The following UCMA variants were observed in gnomAD, a reference collection of about 807,000 sequenced individuals.
UCMA encodes upper zone of growth plate and cartilage matrix associated.
Under a neutral mutation model 21.8 loss-of-function variants are expected in UCMA, and 21 were observed. The ratio of observed to expected loss-of-function variants is 0.97; its 90% CI spans 0.68 to 1.39. UCMA has a LOEUF of 1.39. UCMA is among the 40% of genes most tolerant of loss of function. The pLI is 0.00. For synonymous variants in UCMA, 76 were observed against 67.9 expected, an observed-to-expected ratio of 1.12 and a Z score of -0.58; for missense variants, 193 against 178.9, an observed-to-expected ratio of 1.08 and a Z score of -0.45.
intron 3 of UCMA, among the ~76,000 whole-genome samples, chr10:13,233,318 G>A (rs780006600): frequency 2.0e-5 from 3 of 152,220 alleles, no homozygotes; most frequent in Non-Finnish European, 4.4e-5. Context: ...CAGAGGTGGG[G>A]CCTCCTAACC....
chr10:13,234,084 A>T (rs1437428023), intron 1 of UCMA, 117 bp downstream of exon 1: 15 of 889,712 alleles, frequency 1.7e-5, no homozygotes, highest in African/African-American at 3.4e-5. Flanking sequence ...ACATACACAC[A>T]TGTTAACAAT....
At chr10:13,230,632 T>C (rs76795387) in intron 3 of UCMA, among the ~76,000 whole-genome samples, 6,123 of 152,238 alleles carry the variant, frequency 0.04, 416 homozygotes, top group African/African-American at 0.14. Flanking sequence ...TCAACTCTGA[T>C]GTGCAAGAGG....
At position 13,234,356 on chromosome 10, in the gene UCMA, AGGAAGGAAGGCGGG is replaced by A; in HGVS notation, c.-112_-99del. ...TTCTGAGGCAGGCAGCCCAGGCGAG[AGGAAGGAAGGCGGG>A]GGAGGGAAGAGAGAGGCAGGAGGCT... On this transcript the variant is annotated 5_prime_UTR_variant, in exon 1 of 5. Coordinates refer to ENST00000378681, the MANE Select transcript of UCMA (RefSeq NM_145314.3). 7.9e-7 allele frequency: 1 copy of A among 1,266,466 alleles called. No homozygotes were observed. The highest frequency in any genetic ancestry group is 1.1e-6 in the Non-Finnish European group (1 of 913,314). 78.5% of individuals were successfully genotyped at this position (1,266,466 alleles called of 1,614,324 possible). A position where few individuals can be genotyped will look rare whatever the true frequency, so the allele number is the denominator to read the frequency against.
chr10:13,233,092 T>C (rs1232879666), intron 3 of UCMA, among the ~76,000 whole-genome samples: 1 of 152,168 alleles, frequency 6.6e-6, no homozygotes, highest in Non-Finnish European at 1.5e-5. Context: ...GTCCTGTGCC[T>C]TCCCCATGTG....
chr10:13,233,768 T>C lies in UCMA; in HGVS notation c.91A>G (p.Thr31Ala). Residue 31 changes from threonine (T) to alanine (A), a missense_variant, in exon 2 of 5, where the codon ACC becomes GCC. Transcript: ENST00000378681. ...GCCTCTTCTCCCGCCATCTGCATGGTGCCCACAGATACACTGGTTCCCTCT... is the reference window on the plus strand; with the variant it reads ...GCCTCTTCTCCCGCCATCTGCATGGCGCCCACAGATACACTGGTTCCCTCT... Reference protein sequence around the residue: ...LREGTSVSVGTMQMAGEEASE... With the variant: ...LREGTSVSVGAMQMAGEEASE... The C allele has an allele frequency of 6.2e-7, 1 of 1,613,954 alleles. No homozygotes were observed. The highest frequency in any genetic ancestry group is 8.5e-7 in the Non-Finnish European group (1 of 1,180,010).
chr10:13,222,960 C>T (rs1283973695), intron 4 of UCMA, among the ~76,000 whole-genome samples: 3 of 151,902 alleles, frequency 2.0e-5, no homozygotes, highest in African/African-American at 7.2e-5. Context: ...CGGGATGGCT[C>T]ATGCCTATAA....
At chr10:13,225,080 G>C (rs946656990) in intron 4 of UCMA, among the ~76,000 whole-genome samples, 1 of 151,928 alleles carries the variant, frequency 6.6e-6, no homozygotes, top group Non-Finnish European at 1.5e-5. Context: ...TTGTTTTTGA[G>C]ACAAGTTCTC....
chr10:13,232,493 C>G (rs1255680720), intron 3 of UCMA, among the ~76,000 whole-genome samples: 1 of 151,988 alleles, frequency 6.6e-6, no homozygotes, highest in Non-Finnish European at 1.5e-5. Flanking sequence ...AACAGTCCAG[C>G]CCCCCTCCCA....
chr10:13,234,154 C>A, intron 1 of UCMA, 47 bp downstream of exon 1: 1 of 1,550,078 alleles, frequency 6.5e-7, no homozygotes. Context: ...GGTAAGTCTC[C>A]CTTACCATGT....
At chr10:13,224,545 C>T (rs924890017) in intron 4 of UCMA, among the ~76,000 whole-genome samples, 1 of 152,164 alleles carries the variant, frequency 6.6e-6, no homozygotes, top group Non-Finnish European at 1.5e-5. Context: ...AAGATGATGT[C>T]AAGAATTAAA....
chr10:13,233,643 G>A lies in UCMA; in HGVS notation c.125-10C>T, dbSNP rs4750328. 306,559 of 1,613,874 alleles carry A rather than the reference G, an allele frequency of 0.19. 30,465 individuals carry two copies. The highest frequency in any genetic ancestry group is 0.3 in the Admixed American group (17,780 of 59,980). On this transcript the variant is annotated splice_polypyrimidine_tract_variant and intron_variant, in intron 2 of 4. Coordinates refer to ENST00000378681, the MANE Select transcript of UCMA (RefSeq NM_145314.3). ...ATCTTCTGTTTTGCATCTGAAACCCGGGAGAGGCCTGTCACCAGCAGTGTG... is the reference window on the plus strand; with the variant it reads ...ATCTTCTGTTTTGCATCTGAAACCCAGGAGAGGCCTGTCACCAGCAGTGTG...
At chr10:13,227,941 C>A (rs1643653838) in intron 4 of UCMA, among the ~76,000 whole-genome samples, 1 of 152,054 alleles carries the variant, frequency 6.6e-6, no homozygotes, top group Admixed American at 6.6e-5. Flanking sequence ...ACACCATCCT[C>A]CACTGAGCCC....
At chr10:13,227,137 C>T (rs1465814684) in intron 4 of UCMA, among the ~76,000 whole-genome samples, 1 of 152,120 alleles carries the variant, frequency 6.6e-6, no homozygotes, top group Non-Finnish European at 1.5e-5. Flanking sequence ...TGCCAGGATC[C>T]AAGCCCAGCA....
In UCMA at chr10:13,234,213, C is replaced by T; in HGVS notation, c.46G>A (p.Val16Met). ...AVLLSCFSAV[V>M]LLSMLREGTS... ...CTCCTGTACTCACTAGACAGGAGCA[C>T]CACGGCGGAGAAGCAAGACAGCAGG... The change falls in exon 1 of 5, where the codon GTG becomes ATG. Residue 16 changes from valine to methionine, a missense_variant. Val to Met is a conservative substitution (Grantham distance 21). Coordinates refer to ENST00000378681, the MANE Select transcript of UCMA (RefSeq NM_145314.3). The T allele has an allele frequency of 6.2e-7, 1 of 1,613,312 alleles. No homozygotes were observed. The highest frequency in any genetic ancestry group is 8.5e-7 in the Non-Finnish European group (1 of 1,179,850).
At position 13,222,933 on chromosome 10, in the gene UCMA, T is replaced by G. The variant is rs189096404; in HGVS notation, c.320-733A>C. Among the ~76,000 whole-genome samples the G allele has an allele frequency of 2.0e-3, 308 of 151,906 alleles. 1 individual carries two copies. Among genetic ancestry groups the G allele is most frequent in the Non-Finnish European group, 2.6e-3 (177 of 67,936 alleles). ...ATCCTCCTGTCTCAGCCTCCCAAAG[T>G]GCTGTGATTGGCCAGGCGGGATGGC... On this transcript the variant is annotated intron_variant, in intron 4 of 4. Transcript: ENST00000378681.
chr10:13,229,825 T>C lies in UCMA; in HGVS notation c.221-116A>G, dbSNP rs1409656773. On this transcript the variant is annotated intron_variant, in intron 3 of 4. Transcript: ENST00000378681. ...ACCTGGTTGGGGGATGAGTGGTTTG[T>C]GGGGGATTGTGATTGGAGACTTCCC... 7.7e-6 allele frequency: 6 copies of C among 777,792 alleles called. No individual in the cohort carries two copies. In the East Asian group the frequency reaches 1.5e-4, roughly 20 times the overall value. 48.2% of individuals were successfully genotyped at this position (777,792 alleles called of 1,614,324 possible). A position where few individuals can be genotyped will look rare whatever the true frequency, so the allele number is the denominator to read the frequency against.
Position 13,226,603 on chromosome 10 carries a change from G to A in UCMA, c.319+3008C>T, listed in dbSNP as rs566921963. Among the ~76,000 whole-genome samples the A allele has an allele frequency of 2.1e-4, 32 of 152,316 alleles. 1 individual carries two copies. The South Asian group carries it at 2.3e-3, about 11-fold the overall frequency. On this transcript the variant is annotated intron_variant, in intron 4 of 4. Transcript: ENST00000378681. Reference sequence around the variant, plus strand: ...GCCTCCCAAAGTGCTGGGATTACACGTGTAAGCCATGGTGCCCAGCCTGAG... The same window carrying A: ...GCCTCCCAAAGTGCTGGGATTACACATGTAAGCCATGGTGCCCAGCCTGAG...
intron 3 of UCMA, 109 bp from the exon 4 acceptor site, chr10:13,229,818 T>C (rs1564403708): frequency 1.2e-6 from 1 of 854,596 alleles, no homozygotes; most frequent in Non-Finnish European, 1.9e-6. Flanking sequence ...GGGGGATGAG[T>C]GGTTTGTGGG....
rs1024525778 is a variant in UCMA at position 13,233,647 on chromosome 10, G to A, written c.125-14C>T. The A allele has an allele frequency of 6.2e-7, 1 of 1,613,982 alleles. No individual in the cohort carries two copies. Among genetic ancestry groups the A allele is most frequent in the Non-Finnish European group, 8.5e-7 (1 of 1,180,006 alleles). ...TCTGTTTTGCATCTGAAACCCGGGA[G>A]AGGCCTGTCACCAGCAGTGTGGGGG... is the stretch of plus-strand genomic sequence containing the variant. On this transcript the variant is annotated splice_polypyrimidine_tract_variant and intron_variant, in intron 2 of 4. Coordinates refer to ENST00000378681, the MANE Select transcript of UCMA (RefSeq NM_145314.3).
Sources: gnomAD v4.1 joint callset for allele counts (sites outside exome capture counted in the v4.1 genomes callset) on GRCh38, gnomAD v4.1.1 for gene constraint, MANE v1.5 for transcripts, NCBI Gene and HGNC (gene_info 2026-07-23, HGNC 2026-07-21) for gene names.